ATE1: variants seen among roughly 807,000 people sequenced by gnomAD.
ATE1 encodes the protein arginyl-tRNA--protein transferase 1.
Under a neutral mutation model 70.5 loss-of-function variants are expected in ATE1, and 36 were observed. The observed-to-expected ratio is 0.51, with a 90% CI of 0.39 to 0.67. The LOEUF is 0.67. Ranked by LOEUF, ATE1 falls within the 30% of genes least tolerant of loss-of-function variation. The pLI, the probability that ATE1 is intolerant of heterozygous loss-of-function variation, is 0.00. For missense variants in ATE1, 593 were observed against 629.5 expected (o/e 0.94, Z 0.62); for synonymous variants, 232 against 219.3 (o/e 1.06, Z -0.51).
rs1198668355 is a variant in ATE1, at chr10:121,840,968, T to C, written c.1157+114A>G. On this transcript the variant is annotated intron_variant, in intron 9 of 11. Coordinates refer to ENST00000224652, the MANE Select transcript of ATE1 (RefSeq NM_001001976.3). ...TATGTAAGAGACTAGCAACAAATCA[T>C]TATAATACACTGTCAATTAGGACTT... The C allele has an allele frequency of 3.0e-6, 3 of 993,440 alleles. No individual in the cohort carries two copies. In the Admixed American group the frequency reaches 1.1e-4, roughly 36 times the overall value. 61.5% of individuals were successfully genotyped at this position (993,440 alleles called of 1,614,324 possible).
chr10:121,909,041 T>C (rs1951316298), intron 5 of ATE1, among the ~76,000 whole-genome samples: 2 of 152,234 alleles, frequency 1.3e-5, no homozygotes, highest in African/African-American at 4.8e-5. Context: ...CAGGCTAGAA[T>C]GCAGAGGCAC....
chr10:121,882,127 TA>T (rs1950246839), intron 7 of ATE1, among the ~76,000 whole-genome samples: 1 of 152,148 alleles, frequency 6.6e-6, no homozygotes, highest in African/African-American at 2.4e-5. Flanking sequence ...AAGGAAAAAT[TA>T]AAATATTAAA....
intron 8 of ATE1, among the ~76,000 whole-genome samples, chr10:121,844,585 C>A (rs1948747255): frequency 6.6e-6 from 1 of 152,128 alleles, no homozygotes; most frequent in Admixed American, 6.5e-5. Context: ...AGGGATTCAT[C>A]CAATTGATTT....
intron 8 of ATE1, among the ~76,000 whole-genome samples, chr10:121,866,738 T>G (rs1001561513): frequency 6.6e-6 from 1 of 151,306 alleles, no homozygotes; most frequent in Non-Finnish European, 1.5e-5. Flanking sequence ...TCCCAGCTAC[T>G]TGGGGGGCTA....
intron 7 of ATE1, among the ~76,000 whole-genome samples, chr10:121,895,537 C>T (rs559341961): frequency 1.3e-5 from 2 of 152,178 alleles, no homozygotes; most frequent in East Asian, 1.9e-4. Flanking sequence ...TCGCTTGAAC[C>T]TTGGAGGCGG....
chr10:121,743,829 G>A lies in ATE1; in HGVS notation c.1408C>T (p.Arg470Ter), dbSNP rs1298387939. 6.2e-7 allele frequency: 1 copy of A among 1,613,224 alleles called. No individual in the cohort carries two copies. Among genetic ancestry groups the A allele is most frequent in the East Asian group, 2.2e-5 (1 of 44,888 alleles). Residue 470 changes from arginine to a stop codon, truncating the protein, a stop_gained, in exon 12 of 12, where the codon CGA becomes TGA. Transcript: ENST00000224652. LOFTEE classifies it high-confidence loss of function. ...VDEDRSTEPD[R>*]LQVFHKRAIM... ...GCTCTCTTGTGAAACACCTGCAATC[G>A]GTCAGGTTCCGTACTGCGATCCTCA...
At chr10:121,788,359 A>G (rs950599488) in intron 11 of ATE1, among the ~76,000 whole-genome samples, 1 of 152,224 alleles carries the variant, frequency 6.6e-6, no homozygotes, top group Non-Finnish European at 1.5e-5. Context: ...AGGAAACCTA[A>G]ACATCTAGAA....
At chr10:121,752,898 T>C (rs1490242098) in intron 11 of ATE1, among the ~76,000 whole-genome samples, 1 of 152,238 alleles carries the variant, frequency 6.6e-6, no homozygotes, top group Non-Finnish European at 1.5e-5. Flanking sequence ...GGGATTTTAA[T>C]AGATCACTGC....
intron 5 of ATE1, among the ~76,000 whole-genome samples, chr10:121,905,493 T>C (rs990356956): frequency 5.9e-5 from 9 of 152,138 alleles, no homozygotes; most frequent in Admixed American, 1.3e-4. Context: ...GCTGGGTAAG[T>C]CTTCTCATGA....
At chr10:121,904,466 C>G (rs1590685485) in intron 5 of ATE1, among the ~76,000 whole-genome samples, 1 of 150,452 alleles carries the variant, frequency 6.6e-6, no homozygotes, top group Non-Finnish European at 1.5e-5. Flanking sequence ...ACGGTGAAAC[C>G]CTGTCTCTAC....
At chr10:121,865,685 C>A (rs1311264503) in intron 8 of ATE1, among the ~76,000 whole-genome samples, 3 of 152,150 alleles carry the variant, frequency 2.0e-5, no homozygotes, top group African/African-American at 7.2e-5. Context: ...TGTTGCCTGA[C>A]TTGACGAGGT....
At chr10:121,759,307 CA>C (rs1175593350) in intron 11 of ATE1, among the ~76,000 whole-genome samples, 2 of 152,178 alleles carry the variant, frequency 1.3e-5, no homozygotes, top group Non-Finnish European at 2.9e-5. Context: ...TAATTCAGAG[CA>C]AGACCCTAAC....
At chr10:121,857,425 C>A (rs1949287640) in intron 8 of ATE1, among the ~76,000 whole-genome samples, 1 of 152,186 alleles carries the variant, frequency 6.6e-6, no homozygotes, top group African/African-American at 2.4e-5. Context: ...CATGCTGCTG[C>A]AAGAGACATC....
intron 11 of ATE1, among the ~76,000 whole-genome samples, chr10:121,745,943 A>T (rs1355501391): frequency 6.6e-6 from 1 of 152,234 alleles, no homozygotes; most frequent in African/African-American, 2.4e-5. Context: ...CTGTTAAGTG[A>T]AAGGCAAAAG....
Position 121,787,374 on chromosome 10 carries a change from A to G in ATE1, c.1378+2795T>C, listed in dbSNP as rs566253141. Among the ~76,000 whole-genome samples the G allele has an allele frequency of 7.2e-4, 110 of 152,370 alleles. 1 individual carries two copies. The highest frequency in any genetic ancestry group is 2.6e-3 in the African/African-American group (107 of 41,594). ...AGAGAACCGTTTCTCACAGATTGCC[A>G]TTTAAACCTCAAATGACCATGTTTC... On this transcript the variant is annotated intron_variant, in intron 11 of 11. Coordinates refer to ENST00000224652, the MANE Select transcript of ATE1 (RefSeq NM_001001976.3).
At chr10:121,744,806 G>C (rs1944283873) in intron 11 of ATE1, among the ~76,000 whole-genome samples, 1 of 152,190 alleles carries the variant, frequency 6.6e-6, no homozygotes, top group African/African-American at 2.4e-5. Flanking sequence ...CCTGTGGCTG[G>C]GTGTGGGCTC....
chr10:121,766,023 G>A (rs541656772), intron 11 of ATE1, among the ~76,000 whole-genome samples: 9 of 151,872 alleles, frequency 5.9e-5, no homozygotes, highest in Non-Finnish European at 1.2e-4. Context: ...CTATTATTCT[G>A]ACAGCTTTAC....
chr10:121,901,608 C>T (rs1461894741), intron 6 of ATE1, among the ~76,000 whole-genome samples: 2 of 151,984 alleles, frequency 1.3e-5, no homozygotes, highest in East Asian at 3.9e-4. Flanking sequence ...AGGTGCACGC[C>T]ACCACGCCTG....
chr10:121,895,775 T>C (rs1950756916), intron 7 of ATE1, among the ~76,000 whole-genome samples: 1 of 152,038 alleles, frequency 6.6e-6, no homozygotes, highest in African/African-American at 2.4e-5. Flanking sequence ...ATACAAAAAT[T>C]AGACGTGGTG....
Sources: gnomAD v4.1 joint callset for allele counts (sites outside exome capture counted in the v4.1 genomes callset) on GRCh38, gnomAD v4.1.1 for gene constraint, MANE v1.5 for transcripts, NCBI Gene and HGNC (gene_info 2026-07-23, HGNC 2026-07-21) for gene names.